Variants in CNTNAP3B observed in about 807,000 individuals in gnomAD.
CNTNAP3B encodes contactin associated protein family member 3B, also known as contactin-associated protein-like 3B.
Under a neutral mutation model 108.9 loss-of-function variants are expected in CNTNAP3B, and 25 were observed. The observed-to-expected ratio is 0.23, with a 90% CI of 0.17 to 0.32. CNTNAP3B has a LOEUF of 0.32. CNTNAP3B is among the 10% of genes least tolerant of loss of function. The probability of loss-of-function intolerance (pLI) is 1.00; values close to 1 mark genes in which losing one functional copy is unlikely to be tolerated. For synonymous variants in CNTNAP3B, 103 were observed against 473.4 expected, an observed-to-expected ratio of 0.22 and a Z score of 10.16; for missense variants, 252 against 1,210.4, an observed-to-expected ratio of 0.21 and a Z score of 11.75.
intron 14 of CNTNAP3B, among the ~76,000 whole-genome samples, chr9:41,932,815 G>A (rs892996083): frequency 6.6e-6 from 1 of 152,174 alleles, no homozygotes; most frequent in African/African-American, 2.4e-5. Context: ...ACCGCGCCCA[G>A]CCCAACTGTT....
chr9:41,965,167 TA>T (rs2118232688), intron 10 of CNTNAP3B, among the ~76,000 whole-genome samples: 1 of 152,420 alleles, frequency 6.6e-6, no homozygotes, highest in African/African-American at 2.4e-5. Flanking sequence ...TAAGCAATCT[TA>T]ACACTGGTAA....
At chr9:41,932,517 CTTCT>C (rs1824008702) in intron 14 of CNTNAP3B, among the ~76,000 whole-genome samples, 2 of 124,860 alleles carry the variant, frequency 1.6e-5, no homozygotes, top group Non-Finnish European at 1.7e-5. Flanking sequence ...ACTTTTTTTT[CTTCT>C]TTTTTTTTTT....
intron 2 of CNTNAP3B, among the ~76,000 whole-genome samples, chr9:42,103,418 TAAAAA>T (rs1156658774): frequency 2.1e-5 from 1 of 47,720 alleles, no homozygotes; most frequent in Non-Finnish European, 3.7e-5. Flanking sequence ...AACAGGGAGT[TAAAAA>T]AAAAAAAAAA....
In CNTNAP3B at chr9:42,094,486, C is replaced by A. The variant is rs1827860944; in HGVS notation, c.196+10143G>T. 1.5e-5 allele frequency among the ~76,000 whole-genome samples: 2 copies of A among 129,084 alleles called. 1 individual carries two copies. The allele number at this position is 129,084 out of a possible 152,430, so 84.7% of individuals were successfully genotyped here. ...CCTGAGCAACATAATGAGATCCCAT[C>A]TTTACAAAAAATATAAATGTTCGCT... On this transcript the variant is annotated intron_variant, in intron 2 of 23. Transcript: ENST00000377561.
intron 8 of CNTNAP3B, among the ~76,000 whole-genome samples, chr9:41,990,666 C>CTT (rs993215058): frequency 2.9e-4 from 32 of 110,592 alleles, no homozygotes; most frequent in South Asian, 6.9e-4. Context: ...TCAGATTACG[C>CTT]TTTTTTTTTT....
chr9:41,933,609 C>T (rs1246947558), intron 14 of CNTNAP3B, among the ~76,000 whole-genome samples: 1 of 152,282 alleles, frequency 6.6e-6, no homozygotes, highest in African/African-American at 2.4e-5. Context: ...TTCCTCAATA[C>T]TGACTGACCA....
chr9:41,990,585 T>C (rs1360109424), intron 8 of CNTNAP3B, among the ~76,000 whole-genome samples: 1 of 129,964 alleles, frequency 7.7e-6, no homozygotes, highest in Non-Finnish European at 1.6e-5. Context: ...CCAAAAGGAA[T>C]CTTTTTTTGA....
chr9:41,988,572 C>T (rs1482750862), intron 8 of CNTNAP3B, among the ~76,000 whole-genome samples: 1 of 148,154 alleles, frequency 6.7e-6, no homozygotes, highest in African/African-American at 2.5e-5. Flanking sequence ...TCTTTACCAC[C>T]CTGTGAATTG....
At chr9:41,969,076 G>C (rs1168684709) in intron 10 of CNTNAP3B, among the ~76,000 whole-genome samples, 1 of 152,302 alleles carries the variant, frequency 6.6e-6, no homozygotes, top group Non-Finnish European at 1.5e-5. Context: ...GATTACAGGC[G>C]TGAGCCACCA....
chr9:41,955,549 G>A (rs1431038061), intron 12 of CNTNAP3B, among the ~76,000 whole-genome samples: 5 of 152,306 alleles, frequency 3.3e-5, no homozygotes, highest in East Asian at 1.9e-4. Context: ...TTTTTTATTA[G>A]AGATAGGGTC....
rs1252613184 is a variant in CNTNAP3B, at chr9:42,116,162, T to A, written c.86-11423A>T. 2.9e-5 allele frequency among the ~76,000 whole-genome samples: 4 copies of A among 135,646 alleles called. 1 individual carries two copies. Among genetic ancestry groups the A allele is most frequent in the African/African-American group, 8.8e-5 (3 of 33,974 alleles). The allele number at this position is 135,646 out of a possible 152,430, so 89.0% of individuals were successfully genotyped here. ...GAATGAAATGAAGCGAGAAAAGAAG[T>A]TTAGAGAAAAAAGAGTAAAAAGAAA... On this transcript the variant is annotated intron_variant, in intron 1 of 23. Coordinates refer to ENST00000377561, the MANE Select transcript of CNTNAP3B (RefSeq NM_001201380.3).
chr9:41,928,153 T>G (rs1247237248), intron 15 of CNTNAP3B, among the ~76,000 whole-genome samples: 1 of 152,278 alleles, frequency 6.6e-6, no homozygotes, highest in East Asian at 1.9e-4. Flanking sequence ...TCACCCTACT[T>G]GCAAGCTAAC....
intron 11 of CNTNAP3B, among the ~76,000 whole-genome samples, chr9:41,963,908 C>T (rs1173231158): frequency 1.3e-5 from 2 of 152,428 alleles, no homozygotes; most frequent in African/African-American, 2.4e-5. Flanking sequence ...AAAGCAATAG[C>T]AGAGGGCTGA....
intron 13 of CNTNAP3B, among the ~76,000 whole-genome samples, chr9:41,942,071 C>T (rs1269660153): frequency 6.6e-6 from 1 of 152,294 alleles, no homozygotes; most frequent in Non-Finnish European, 1.5e-5. Context: ...AACCAGCCCC[C>T]TCTACCCTTC....
At chr9:42,085,029 G>GT (rs1469323326) in intron 2 of CNTNAP3B, among the ~76,000 whole-genome samples, 2 of 121,798 alleles carry the variant, frequency 1.6e-5, no homozygotes, top group Non-Finnish European at 3.4e-5. Context: ...ATGTAGGAGA[G>GT]TTGGTTATAG....
chr9:42,054,603 C>A (rs1392622413), intron 3 of CNTNAP3B, among the ~76,000 whole-genome samples: 1 of 151,602 alleles, frequency 6.6e-6, no homozygotes, highest in Non-Finnish European at 1.5e-5. Context: ...GTCTGCACCA[C>A]ATCACGTGAT....
intron 12 of CNTNAP3B, chr9:41,959,965 T>C (rs1825015338): frequency 1.3e-5 from 2 of 152,384 alleles, no homozygotes; most frequent in African/African-American, 2.4e-5. Flanking sequence ...TGCAATCTTC[T>C]ATAATCAAGC....
chr9:41,961,678 ATAAT>A (rs1207613083), intron 11 of CNTNAP3B, among the ~76,000 whole-genome samples: 1 of 152,302 alleles, frequency 6.6e-6, no homozygotes, highest in South Asian at 2.1e-4. Flanking sequence ...TCATTAAAAA[ATAAT>A]TAAAGCTGAT....
intron 12 of CNTNAP3B, among the ~76,000 whole-genome samples, chr9:41,959,394 A>T (rs1255555524): frequency 1.3e-5 from 2 of 152,294 alleles, no homozygotes; most frequent in African/African-American, 4.8e-5. Context: ...TCTAGGGCAG[A>T]AAAGAGACCA....
Sources: gnomAD v4.1 joint callset for allele counts (sites outside exome capture counted in the v4.1 genomes callset) on GRCh38, gnomAD v4.1.1 for gene constraint, MANE v1.5 for transcripts, NCBI Gene and HGNC (gene_info 2026-07-23, HGNC 2026-07-21) for gene names.